Variants in RGS20 observed in about 807,000 individuals in gnomAD.
RGS20 encodes the protein gz-selective GTPase-activating protein.
A neutral mutation model predicts 33.6 loss-of-function variants in RGS20; 30 were observed. The observed-to-expected ratio is 0.89, with a 90% CI of 0.67 to 1.21. The LOEUF (loss-of-function observed/expected upper bound fraction) is 1.21. Ranked by LOEUF, RGS20 falls within the 50% of genes most tolerant of loss-of-function variation. RGS20 has a pLI of 0.00. For synonymous variants in RGS20, 208 were observed against 197.9 expected (o/e 1.05, Z -0.43); for missense variants, 472 against 502.4 (o/e 0.94, Z 0.58).
intron 1 of RGS20, among the ~76,000 whole-genome samples, chr8:53,878,957 A>G (rs1812267994): frequency 6.6e-6 from 1 of 152,146 alleles, no homozygotes; most frequent in African/African-American, 2.4e-5. Context: ...GTCCCCTGGG[A>G]ATGTTACCAT....
At chr8:53,924,720 G>C (rs1470019138) in intron 2 of RGS20, among the ~76,000 whole-genome samples, 1 of 152,106 alleles carries the variant, frequency 6.6e-6, no homozygotes, top group Admixed American at 6.5e-5. Context: ...GAAACATTAA[G>C]ATTTCCTTCA....
intron 1 of RGS20, among the ~76,000 whole-genome samples, chr8:53,866,536 C>G (rs1322498618): frequency 6.6e-6 from 1 of 152,128 alleles, no homozygotes; most frequent in Non-Finnish European, 1.5e-5. Context: ...CCCACCATCA[C>G]ACGCCTGGCT....
intron 2 of RGS20, among the ~76,000 whole-genome samples, chr8:53,886,070 T>C (rs1035349481): frequency 5.3e-5 from 8 of 152,356 alleles, no homozygotes; most frequent in East Asian, 3.9e-4. Context: ...TGACTCACAA[T>C]GTGAGCTTCT....
intron 3 of RGS20, among the ~76,000 whole-genome samples, chr8:53,943,867 T>G (rs1814380775): frequency 6.6e-6 from 1 of 152,122 alleles, no homozygotes; most frequent in Non-Finnish European, 1.5e-5. Context: ...CTCTCAAGTT[T>G]TTTTTGGTTG....
chr8:53,942,420 T>C (rs1400035754), intron 3 of RGS20, among the ~76,000 whole-genome samples: 1 of 151,578 alleles, frequency 6.6e-6, no homozygotes, highest in African/African-American at 2.4e-5. Flanking sequence ...GATTGTGCCA[T>C]TGCACTCCAG....
chr8:53,879,802 G>A lies in RGS20; in HGVS notation c.510+200G>A, dbSNP rs1812306912. 2.7e-5 allele frequency: 13 copies of A among 476,758 alleles called. 1 individual carries two copies. In the South Asian group the frequency reaches 6.2e-4, roughly 23 times the overall value. 29.5% of individuals were successfully genotyped at this position (476,758 alleles called of 1,614,324 possible). A position where few individuals can be genotyped will look rare whatever the true frequency, so the allele number is the denominator to read the frequency against. On this transcript the variant is annotated intron_variant, in intron 2 of 5. Transcript: ENST00000297313. The stretch of plus-strand genomic sequence containing the variant: ...TCCCGGGACACCGCCCCTCCCCGCG[G>A]GAAGACACTCCAAGCTACTTTTTCC...
At chr8:53,865,294 C>T (rs975430073) in intron 1 of RGS20, among the ~76,000 whole-genome samples, 5 of 152,224 alleles carry the variant, frequency 3.3e-5, no homozygotes, top group African/African-American at 1.2e-4. Flanking sequence ...TCTGAACATC[C>T]ATTTTAACAA....
intron 2 of RGS20, among the ~76,000 whole-genome samples, chr8:53,911,670 T>C (rs1003685061): frequency 7.9e-5 from 12 of 152,108 alleles, no homozygotes; most frequent in African/African-American, 2.9e-4. Flanking sequence ...CGGTGGCTCA[T>C]TGCCTGTAAT....
At chr8:53,922,832 T>A (rs763151565) in intron 2 of RGS20, among the ~76,000 whole-genome samples, 98 of 152,218 alleles carry the variant, frequency 6.4e-4, no homozygotes, top group Non-Finnish European at 1.3e-3. Flanking sequence ...GCTAATTTTT[T>A]AAATTTTTTG....
At chr8:53,910,831 C>A (rs1331480038) in intron 2 of RGS20, among the ~76,000 whole-genome samples, 2 of 152,144 alleles carry the variant, frequency 1.3e-5, no homozygotes, top group African/African-American at 4.8e-5. Context: ...AGACTCCAAA[C>A]AATGCATACC....
At chr8:53,944,742 TA>T (rs1205374286) in intron 3 of RGS20, among the ~76,000 whole-genome samples, 1 of 152,198 alleles carries the variant, frequency 6.6e-6, no homozygotes, top group East Asian at 1.9e-4. Flanking sequence ...CTTCAGGTCT[TA>T]AAATGAAGAA....
At chr8:53,943,164 TAAA>T (rs1814360032) in intron 3 of RGS20, among the ~76,000 whole-genome samples, 1 of 152,126 alleles carries the variant, frequency 6.6e-6, no homozygotes, top group African/African-American at 2.4e-5. Context: ...CTCTCTAGGG[TAAA>T]GAGAGGAAGA....
intron 2 of RGS20, among the ~76,000 whole-genome samples, chr8:53,897,259 G>A (rs1812890649): frequency 1.3e-5 from 2 of 152,162 alleles, no homozygotes; most frequent in African/African-American, 4.8e-5. Context: ...GTTAAGATTT[G>A]TGCCCAGCAC....
At position 53,946,668 on chromosome 8, in the gene RGS20, C is replaced by T. The variant is rs751732727; in HGVS notation, c.663C>T (p.Leu221=). The stretch of plus-strand genomic sequence containing the variant: ...TGTGAATGTCTTTTTTTTGCAGTCT[C>T]ACTGTTAGAAACCAGGAAGATCAGA... Residue 221 remains leucine (L), a synonymous_variant, in exon 4 of 6, where the codon CTC becomes CTT. Coordinates refer to ENST00000297313, the MANE Select transcript of RGS20 (RefSeq NM_170587.4). 7 of 1,609,922 alleles carry T rather than the reference C, an allele frequency of 4.3e-6. 1 individual carries two copies. In the South Asian group the frequency reaches 5.5e-5, roughly 13 times the overall value.
chr8:53,866,387 CTTTT>C (rs58939238), intron 1 of RGS20, among the ~76,000 whole-genome samples: 1 of 144,866 alleles, frequency 6.9e-6, no homozygotes, highest in Non-Finnish European at 1.5e-5. Flanking sequence ...ACATTTACCT[CTTTT>C]TTTTTTTTTG....
chr8:53,887,970 C>A lies in RGS20; in HGVS notation c.510+8368C>A, dbSNP rs866183092. Among the ~76,000 whole-genome samples the A allele has an allele frequency of 2.0e-5, 3 of 150,214 alleles. No homozygotes were observed. The South Asian group carries it at 6.3e-4, about 31-fold the overall frequency. ...CTCCAGCCTGGGCAACAGAGTGAGA[C>A]CCTGACTTAAAAAAAAAAAAGGTAT... is the stretch of plus-strand genomic sequence containing the variant. On this transcript the variant is annotated intron_variant, in intron 2 of 5. Coordinates refer to ENST00000297313, the MANE Select transcript of RGS20 (RefSeq NM_170587.4).
chr8:53,915,940 C>G (rs1479711690), intron 2 of RGS20, among the ~76,000 whole-genome samples: 1 of 152,182 alleles, frequency 6.6e-6, no homozygotes, highest in Non-Finnish European at 1.5e-5. Context: ...ACTATTGTTT[C>G]TTGTATTCCA....
At chr8:53,852,085 C>G (rs765722199) in intron 1 of RGS20, 1 of 1,585,098 alleles carries the variant, frequency 6.3e-7, no homozygotes, top group East Asian at 2.3e-5. Flanking sequence ...TTCCACAATC[C>G]ATGATCCTTT....
chr8:53,915,744 C>G (rs927491277), intron 2 of RGS20, among the ~76,000 whole-genome samples: 1 of 152,150 alleles, frequency 6.6e-6, no homozygotes. Flanking sequence ...AAGGACAGGG[C>G]TGGTGCCCGA....
Sources: gnomAD v4.1 joint callset for allele counts (sites outside exome capture counted in the v4.1 genomes callset) on GRCh38, gnomAD v4.1.1 for gene constraint, MANE v1.5 for transcripts, NCBI Gene and HGNC (gene_info 2026-07-23, HGNC 2026-07-21) for gene names.